The following PNKD variants were observed in gnomAD, a reference collection of about 807,000 sequenced individuals.
The protein encoded by PNKD is PNKD metallo-beta-lactamase domain containing, also known as probable thioesterase PNKD.
A neutral mutation model predicts 45.3 loss-of-function variants in PNKD; 36 were observed. That is an observed-to-expected ratio of 0.80 (90% confidence interval 0.61 to 1.05). The LOEUF (loss-of-function observed/expected upper bound fraction) is 1.05, where lower values mean the gene tolerates loss of function less well. PNKD is among the 50% of genes least tolerant of loss of function. PNKD has a pLI of 0.00. For synonymous variants in PNKD, 197 were observed against 210.1 expected, an observed-to-expected ratio of 0.94 and a Z score of 0.54; for missense variants, 511 against 506.6, an observed-to-expected ratio of 1.01 and a Z score of -0.08.
chr2:218,339,348 C>A (rs1170740679), intron 2 of PNKD, among the ~76,000 whole-genome samples: 1 of 152,016 alleles, frequency 6.6e-6, no homozygotes, highest in Admixed American at 6.6e-5. Flanking sequence ...GCCTCAGCCT[C>A]CTGAGTAGCT....
At chr2:218,311,402 G>A (rs537678951) in intron 2 of PNKD, among the ~76,000 whole-genome samples, 2 of 152,292 alleles carry the variant, frequency 1.3e-5, no homozygotes, top group Non-Finnish European at 2.9e-5. Context: ...CACCGGTGCC[G>A]GCCTCTGAGT....
intron 2 of PNKD, among the ~76,000 whole-genome samples, chr2:218,291,727 T>C (rs1011820439): frequency 2.6e-5 from 4 of 152,168 alleles, no homozygotes; most frequent in Admixed American, 2.6e-4. Flanking sequence ...CTCCACTTGC[T>C]TTCCCTTTTC....
intron 2 of PNKD, chr2:218,277,331 TC>T (rs1221678595): frequency 2.5e-6 from 4 of 1,592,132 alleles, no homozygotes; most frequent in Non-Finnish European, 3.4e-6. Flanking sequence ...GAAAGGGGAG[TC>T]GGGGGGCCAG....
At chr2:218,305,813 T>C (rs1202756378) in intron 2 of PNKD, among the ~76,000 whole-genome samples, 1 of 152,156 alleles carries the variant, frequency 6.6e-6, no homozygotes, top group Non-Finnish European at 1.5e-5. Flanking sequence ...TGCAAATAAT[T>C]GTGGTAATCA....
chr2:218,316,058 C>T (rs564124237), intron 2 of PNKD, among the ~76,000 whole-genome samples: 2 of 152,180 alleles, frequency 1.3e-5, no homozygotes, highest in East Asian at 1.9e-4. Context: ...ACATCAGTGG[C>T]GTGGGAAAAT....
At chr2:218,277,904 C>T (rs1203436084) in intron 2 of PNKD, 11 of 1,613,926 alleles carry the variant, frequency 6.8e-6, no homozygotes, top group African/African-American at 6.7e-5. Flanking sequence ...CACAGCATCT[C>T]CACACCCTCC....
At chr2:218,288,822 G>A (rs1490302918) in intron 2 of PNKD, among the ~76,000 whole-genome samples, 1 of 152,058 alleles carries the variant, frequency 6.6e-6, no homozygotes, top group African/African-American at 2.4e-5. Flanking sequence ...AGAAAAGGGA[G>A]GGAAGGAAAT....
Position 218,340,140 on chromosome 2 carries a change from A to T in PNKD, c.464A>T (p.Gln155Leu). ...GACCCTTCAGACCCTCGGGCTGTGC[A>T]GGTGAGGGGAGGGCAGGGAGCAGGG... ...AVDPSDPRAV[Q>L]ASIEKEGVTL... Residue 155 changes from glutamine (Q) to leucine (L), a missense_variant and splice_region_variant, in exon 4 of 10, where the codon CAG (glutamine) becomes CTG (leucine). Transcript: ENST00000273077. This position sits in a 1 kb window ranked among gnomAD's most constrained non-coding sequence, Gnocchi z 4.2. The T allele has an allele frequency of 6.3e-7, 1 of 1,598,150 alleles. No individual in the cohort carries two copies.
chr2:218,334,469 C>G (rs1694430021), intron 2 of PNKD, among the ~76,000 whole-genome samples: 1 of 152,050 alleles, frequency 6.6e-6, no homozygotes, highest in African/African-American at 2.4e-5. Context: ...AAGAGTAGAG[C>G]CTGGGCAATC....
At chr2:218,338,317 C>T (rs1358060559) in intron 2 of PNKD, among the ~76,000 whole-genome samples, 8 of 148,694 alleles carry the variant, frequency 5.4e-5, no homozygotes, top group African/African-American at 1.2e-4. Context: ...AAAAAATTGC[C>T]GGGCATGGTG....
intron 2 of PNKD, among the ~76,000 whole-genome samples, chr2:218,302,181 T>C (rs1234892976): frequency 6.6e-6 from 1 of 152,104 alleles, no homozygotes; most frequent in Admixed American, 6.6e-5. Context: ...AACCTGTCTC[T>C]ACTAAAAATA....
At chr2:218,324,992 ATTTTC>A (rs1694103675) in intron 2 of PNKD, among the ~76,000 whole-genome samples, 1 of 111,348 alleles carries the variant, frequency 9.0e-6, no homozygotes, top group African/African-American at 3.8e-5. Context: ...TATCTAAATA[ATTTTC>A]TTTTTTTTTT....
Position 218,307,309 on chromosome 2 carries a change from A to AT in PNKD, c.237-32472dup, listed in dbSNP as rs1249274175. 6.8e-4 allele frequency among the ~76,000 whole-genome samples: 103 copies of AT among 152,252 alleles called. 2 individuals are homozygous for AT. The East Asian group carries it at 0.014, about 20-fold the overall frequency. ...TATTGTGCACTAGATTTCTATTATT[A>AT]TTACATTGTAATATATAATAAAATA... On this transcript the variant is annotated intron_variant, in intron 2 of 9. Coordinates refer to ENST00000273077, the MANE Select transcript of PNKD (RefSeq NM_015488.5).
intron 2 of PNKD, among the ~76,000 whole-genome samples, chr2:218,299,245 G>A (rs368897926): frequency 6.6e-5 from 10 of 152,222 alleles, no homozygotes; most frequent in Middle Eastern, 3.4e-3. Context: ...AGGTTTAAAC[G>A]ATTCTCCTGC....
At position 218,343,520 on chromosome 2, in the gene PNKD, G is replaced by A; in HGVS notation, c.802G>A (p.Ala268Thr). The A allele has an allele frequency of 6.2e-7, 1 of 1,613,668 alleles. No individual in the cohort carries two copies. The highest frequency in any genetic ancestry group is 8.5e-7 in the Non-Finnish European group (1 of 1,179,802). ...CCCAGGGCGGACCTTTGAGGGCAATGCAGAGACCATGCTGAGCTCACTGGA... is the reference window on the plus strand; with the variant it reads ...CCCAGGGCGGACCTTTGAGGGCAATACAGAGACCATGCTGAGCTCACTGGA... Reference protein sequence around the residue: ...SGCGRTFEGNAETMLSSLDTV... With the variant: ...SGCGRTFEGNTETMLSSLDTV... Residue 268 changes from alanine (A) to threonine (T), a missense_variant, in exon 8 of 10, where the codon GCA becomes ACA. Ala to Thr is a moderately conservative substitution (Grantham distance 58, BLOSUM62 0). Coordinates refer to ENST00000273077, the MANE Select transcript of PNKD (RefSeq NM_015488.5).
Position 218,290,319 on chromosome 2 carries a change from C to T in PNKD, c.236+18770C>T, listed in dbSNP as rs574831513. On this transcript the variant is annotated intron_variant, in intron 2 of 9. Transcript: ENST00000273077. ...TCCCTTAAGCCTGAGCCACTTTTATCGAGGCAAACCTATTAACACCCTGTG... is the reference window on the plus strand; with the variant it reads ...TCCCTTAAGCCTGAGCCACTTTTATTGAGGCAAACCTATTAACACCCTGTG... 3.9e-5 allele frequency among the ~76,000 whole-genome samples: 6 copies of T among 152,324 alleles called. No individual in the cohort carries two copies. The East Asian group carries it at 9.6e-4, about 24-fold the overall frequency.
At position 218,344,449 on chromosome 2, in the gene PNKD, C is replaced by T. The variant is rs1446449939; in HGVS notation, c.869-6C>T. ...CTCTGTGTCTCACCCTCATGGCTGT[C>T]GGTAGGTCATGAGTATGCAGAGGAG... is the stretch of plus-strand genomic sequence containing the variant. On this transcript the variant is annotated splice_polypyrimidine_tract_variant and splice_region_variant and intron_variant, in intron 8 of 9. Transcript: ENST00000273077. 8 of 1,556,780 alleles carry T rather than the reference C, an allele frequency of 5.1e-6. No homozygotes were observed. The South Asian group carries it at 5.9e-5, about 11-fold the overall frequency.
At chr2:218,271,329 G>T (rs755203003) in intron 1 of PNKD, 52 bp from the exon 2 acceptor site, 5 of 1,542,258 alleles carry the variant, frequency 3.2e-6, no homozygotes, top group Non-Finnish European at 4.5e-6. Flanking sequence ...CCACCTCCCC[G>T]CTTGCTTTCT....
intron 6 of PNKD, 149 bp from the exon 7 acceptor site, chr2:218,341,832 G>A (rs780237026): frequency 5.0e-5 from 39 of 786,376 alleles, no homozygotes; most frequent in Non-Finnish European, 7.1e-5. Flanking sequence ...GGGAGGGTTC[G>A]GACCTGAGAC....
Sources: allele counts gnomAD v4.1 joint callset (sites outside exome capture counted in the v4.1 genomes callset), GRCh38; gene constraint gnomAD v4.1.1; non-coding constraint Gnocchi (gnomAD v3.1); transcripts MANE v1.5; gene names NCBI Gene and HGNC (gene_info 2026-07-23, HGNC 2026-07-21).